Variants in TMEM132D observed in about 807,000 individuals in gnomAD.
TMEM132D encodes the protein transmembrane protein 132D.
A neutral mutation model predicts 62.3 loss-of-function variants in TMEM132D; 21 were observed. The observed-to-expected ratio is 0.34, with a 90% CI of 0.24 to 0.49. The LOEUF is 0.49. Among genes scored for constraint, TMEM132D ranks in the 20% least tolerant of loss-of-function variants. The pLI is 0.99. For synonymous variants in TMEM132D, 621 were observed against 575.6 expected (o/e 1.08, Z -1.13); for missense variants, 1,346 against 1,402.8 (o/e 0.96, Z 0.65).
intron 1 of TMEM132D, among the ~76,000 whole-genome samples, chr12:129,885,121 G>A (rs1242106266): frequency 6.6e-6 from 1 of 152,206 alleles, no homozygotes; most frequent in East Asian, 1.9e-4. Context: ...TGAGGAAAAA[G>A]AGAGGGGCCC....
At chr12:129,673,260 G>T (rs927642545) in intron 2 of TMEM132D, among the ~76,000 whole-genome samples, 1 of 150,196 alleles carries the variant, frequency 6.7e-6, no homozygotes. Flanking sequence ...ACAACATGTG[G>T]TCTTTTATGA....
intron 2 of TMEM132D, among the ~76,000 whole-genome samples, chr12:129,577,798 C>G (rs1877718528): frequency 6.6e-6 from 1 of 152,116 alleles, no homozygotes; most frequent in East Asian, 1.9e-4. Context: ...TCAAAGGTCA[C>G]CTCTGTGTGT....
intron 4 of TMEM132D, among the ~76,000 whole-genome samples, chr12:129,247,957 T>G (rs1212197233): frequency 6.6e-6 from 1 of 152,064 alleles, no homozygotes; most frequent in Non-Finnish European, 1.5e-5. Context: ...AAATGGCAAT[T>G]ATACCTTAAT....
intron 5 of TMEM132D, among the ~76,000 whole-genome samples, chr12:129,088,688 A>C (rs1350315889): frequency 2.7e-5 from 1 of 36,770 alleles, no homozygotes; most frequent in Non-Finnish European, 4.3e-5. Context: ...GGTGTCCTCT[A>C]TGACCGGGTG....
chr12:129,901,867 C>G (rs111359778), intron 1 of TMEM132D, among the ~76,000 whole-genome samples: 3 of 148,366 alleles, frequency 2.0e-5, no homozygotes, highest in African/African-American at 5.1e-5. Flanking sequence ...ACCAACCCCC[C>G]CCGCCCCAAA....
At chr12:129,649,399 T>C (rs1490935370) in intron 2 of TMEM132D, among the ~76,000 whole-genome samples, 3 of 152,078 alleles carry the variant, frequency 2.0e-5, no homozygotes, top group Non-Finnish European at 4.4e-5. Flanking sequence ...AGATGTAACC[T>C]CAAGAAAGCA....
At chr12:129,742,445 G>A (rs935300646) in intron 1 of TMEM132D, among the ~76,000 whole-genome samples, 2 of 152,132 alleles carry the variant, frequency 1.3e-5, no homozygotes, top group African/African-American at 2.4e-5. Context: ...TCATTAACAA[G>A]CCAAGCCATT....
intron 2 of TMEM132D, among the ~76,000 whole-genome samples, chr12:129,553,105 T>A (rs1876946285): frequency 6.6e-6 from 1 of 152,196 alleles, no homozygotes; most frequent in Non-Finnish European, 1.5e-5. Flanking sequence ...AAGGCCAGGC[T>A]CTTCCCCTTT....
At chr12:129,380,257 T>G (rs1448442377) in intron 3 of TMEM132D, among the ~76,000 whole-genome samples, 1 of 152,178 alleles carries the variant, frequency 6.6e-6, no homozygotes, top group African/African-American at 2.4e-5. Context: ...CAGAATTCAC[T>G]TAGCAGGCAA....
At chr12:129,249,236 T>TA in intron 4 of TMEM132D, among the ~76,000 whole-genome samples, 1 of 152,214 alleles carries the variant, frequency 6.6e-6, no homozygotes, top group Non-Finnish European at 1.5e-5. Context: ...ATTGTAAATT[T>TA]AAAAAATCAT....
intron 4 of TMEM132D, among the ~76,000 whole-genome samples, chr12:129,290,588 T>A (rs567779331): frequency 6.6e-6 from 1 of 150,790 alleles, no homozygotes; most frequent in Non-Finnish European, 1.5e-5. Flanking sequence ...AGGTTTTATG[T>A]GTGCACAAAT....
chr12:129,191,525 G>A (rs1285042269), intron 5 of TMEM132D, among the ~76,000 whole-genome samples: 1 of 148,762 alleles, frequency 6.7e-6, no homozygotes, highest in Non-Finnish European at 1.5e-5. Flanking sequence ...CTATATATAG[G>A]TTATATAGGA....
intron 1 of TMEM132D, among the ~76,000 whole-genome samples, chr12:129,708,630 AACACACACACAC>A (rs869069705): frequency 0.013 from 1,353 of 106,844 alleles, 55 homozygotes; most frequent in South Asian, 0.048. Context: ...AAAAAAAAAA[AACACACACACAC>A]ACACACACAC....
intron 2 of TMEM132D, among the ~76,000 whole-genome samples, chr12:129,638,236 T>C (rs1879538660): frequency 6.6e-6 from 1 of 152,168 alleles, no homozygotes; most frequent in Admixed American, 6.5e-5. Flanking sequence ...TTTGGTCTGT[T>C]AGCATCATCA....
intron 1 of TMEM132D, among the ~76,000 whole-genome samples, chr12:129,706,214 A>G (rs2137232248): frequency 6.6e-6 from 1 of 152,144 alleles, no homozygotes; most frequent in African/African-American, 2.4e-5. Context: ...AGTTAAAAGA[A>G]AAAAAAGTTA....
intron 1 of TMEM132D, among the ~76,000 whole-genome samples, chr12:129,885,129 C>A (rs1182383690): frequency 1.3e-5 from 2 of 152,088 alleles, no homozygotes; most frequent in Non-Finnish European, 2.9e-5. Context: ...AAGAGAGGGG[C>A]CCATTATCAA....
chr12:129,604,812 T>C (rs1201223399), intron 2 of TMEM132D, among the ~76,000 whole-genome samples: 4 of 152,210 alleles, frequency 2.6e-5, no homozygotes, highest in Non-Finnish European at 5.9e-5. Context: ...CAAGTTCCAG[T>C]TCCAGAGACC....
At position 129,723,400 on chromosome 12, in the gene TMEM132D, C is replaced by T. The variant is rs77279054; in HGVS notation, c.80-22702G>A. 8.9e-3 allele frequency among the ~76,000 whole-genome samples: 1,361 copies of T among 152,306 alleles called. 21 individuals are homozygous for T. Among genetic ancestry groups the T allele is most frequent in the African/African-American group, 0.031 (1,268 of 41,572 alleles). ...TGCCCCTCCTCCGCCCTGCTCTGCA[C>T]CCAGGAAGCCGTCCTCTATTGATGC... On this transcript the variant is annotated intron_variant, in intron 1 of 8. Transcript: ENST00000422113.
chr12:129,405,308 T>A (rs1871748519), intron 3 of TMEM132D, among the ~76,000 whole-genome samples: 1 of 151,802 alleles, frequency 6.6e-6, no homozygotes, highest in African/African-American at 2.4e-5. Context: ...CTTATAAGGG[T>A]GCTAATCTCA....
Sources: gnomAD v4.1 joint callset for allele counts (sites outside exome capture counted in the v4.1 genomes callset) on GRCh38, gnomAD v4.1.1 for gene constraint, MANE v1.5 for transcripts, NCBI Gene and HGNC (gene_info 2026-07-23, HGNC 2026-07-21) for gene names.